Variants in SOX6 observed in about 807,000 individuals in gnomAD.
The protein encoded by SOX6 is SRY-box transcription factor 6, also known as transcription factor SOX-6.
SOX6 carries 11 observed loss-of-function variants against 97.8 expected under a neutral mutation model. That is an observed-to-expected ratio of 0.11 (90% CI 0.07 to 0.19). The LOEUF (loss-of-function observed/expected upper bound fraction) is 0.19, where lower values mean the gene tolerates loss of function less well. SOX6 is among the 10% of genes least tolerant of loss of function. The pLI is 1.00. For synonymous variants in SOX6, 360 were observed against 371.4 expected (o/e 0.97, Z 0.35); for missense variants, 810 against 1,039.5 (o/e 0.78, Z 3.04).
chr11:16,258,242 C>A (rs1456605608), intron 3 of SOX6, among the ~76,000 whole-genome samples: 2 of 151,896 alleles, frequency 1.3e-5, no homozygotes, highest in Non-Finnish European at 2.9e-5. Context: ...TATGTCCACA[C>A]AAAAACCTAC....
intron 3 of SOX6, among the ~76,000 whole-genome samples, chr11:16,677,261 C>G (rs567257261): frequency 1.1e-4 from 16 of 152,164 alleles, no homozygotes; most frequent in African/African-American, 3.6e-4. Flanking sequence ...GTACCTGTAG[C>G]TGGAATGTCA....
intron 3 of SOX6, among the ~76,000 whole-genome samples, chr11:16,680,419 G>C (rs1847917488): frequency 6.6e-6 from 1 of 152,182 alleles, no homozygotes; most frequent in Non-Finnish European, 1.5e-5. Flanking sequence ...GAGAGATTTT[G>C]TAACCATCAG....
At chr11:16,254,181 G>A (rs1853609748) in intron 3 of SOX6, among the ~76,000 whole-genome samples, 1 of 151,980 alleles carries the variant, frequency 6.6e-6, no homozygotes. Flanking sequence ...AATAAAAATT[G>A]AGGAAATGTG....
chr11:16,475,928 T>A (rs965507633), intron 1 of SOX6, among the ~76,000 whole-genome samples: 5 of 152,220 alleles, frequency 3.3e-5, no homozygotes, highest in African/African-American at 1.2e-4. Flanking sequence ...CATAGGCACA[T>A]AGCACTTTTC....
At chr11:16,147,485 A>G (rs1846715220) in intron 6 of SOX6, among the ~76,000 whole-genome samples, 1 of 152,220 alleles carries the variant, frequency 6.6e-6, no homozygotes. Context: ...CATGTACCCT[A>G]GAACTTAAAG....
At chr11:16,618,402 C>A (rs1314884734) in intron 3 of SOX6, among the ~76,000 whole-genome samples, 8 of 151,624 alleles carry the variant, frequency 5.3e-5, no homozygotes. Context: ...AAAGCAATAT[C>A]CTCAAAATAT....
intron 4 of SOX6, among the ~76,000 whole-genome samples, chr11:16,496,583 G>A (rs1227122138): frequency 6.6e-6 from 1 of 152,218 alleles, no homozygotes; most frequent in East Asian, 1.9e-4. Flanking sequence ...AGAAAGGGGT[G>A]ACAGACAACA....
At chr11:16,275,619 G>C (rs1239204266) in intron 3 of SOX6, among the ~76,000 whole-genome samples, 1 of 152,074 alleles carries the variant, frequency 6.6e-6, no homozygotes, top group Non-Finnish European at 1.5e-5. Flanking sequence ...CTTATACAAA[G>C]GGCCTATTTG....
chr11:16,021,475 A>C (rs558628012), intron 12 of SOX6, among the ~76,000 whole-genome samples: 1 of 152,298 alleles, frequency 6.6e-6, no homozygotes, highest in South Asian at 2.1e-4. Context: ...ATGAATGATC[A>C]AAAATGTAGG....
intron 3 of SOX6, among the ~76,000 whole-genome samples, chr11:16,697,687 T>A (rs1051811146): frequency 6.6e-6 from 1 of 152,242 alleles, no homozygotes; most frequent in Admixed American, 6.5e-5. Context: ...TACAGCTTTA[T>A]GAAATGTATT....
chr11:16,561,593 T>C (rs1847814821), intron 4 of SOX6, among the ~76,000 whole-genome samples: 1 of 152,178 alleles, frequency 6.6e-6, no homozygotes, highest in Non-Finnish European at 1.5e-5. Context: ...AAAACTGATA[T>C]TGTCAACATT....
upstream of SOX6, among the ~76,000 whole-genome samples, chr11:16,479,899 C>T (rs1037227900): frequency 3.9e-5 from 6 of 152,022 alleles, no homozygotes; most frequent in African/African-American, 1.4e-4. Flanking sequence ...ATAAAAGATA[C>T]ATTTAATATG....
chr11:16,372,898 T>C (rs1307174741), intron 1 of SOX6, among the ~76,000 whole-genome samples: 6 of 152,118 alleles, frequency 3.9e-5, no homozygotes, highest in Admixed American at 3.9e-4. Context: ...TGCCCATCAC[T>C]AGGAAGATTT....
At chr11:16,571,496 T>A (rs1847937589) in intron 4 of SOX6, among the ~76,000 whole-genome samples, 1 of 152,136 alleles carries the variant, frequency 6.6e-6, no homozygotes, top group Admixed American at 6.5e-5. Flanking sequence ...ACATGTGCGA[T>A]CACAGCATAC....
chr11:16,469,252 G>A lies in SOX6; in HGVS notation c.-5+7063C>T, dbSNP rs145054380. Among the ~76,000 whole-genome samples the A allele has an allele frequency of 4.6e-5, 7 of 152,152 alleles. No homozygotes were observed. In the East Asian group the frequency reaches 5.8e-4, roughly 13 times the overall value. On this transcript the variant is annotated intron_variant, in intron 1 of 15. Coordinates refer to the SOX6 transcript ENST00000396356. Reference sequence around the variant, plus strand: ...CAGTTTGTTCTGGTGCTACAAAAACGAAGCCTCTTTCTAACTGGCCTTGTG... The same window carrying A: ...CAGTTTGTTCTGGTGCTACAAAAACAAAGCCTCTTTCTAACTGGCCTTGTG...
At chr11:16,304,097 G>A (rs61883181) in intron 3 of SOX6, among the ~76,000 whole-genome samples, 22,962 of 151,988 alleles carry the variant, frequency 0.15, 1,909 homozygotes, top group Middle Eastern at 0.2. Flanking sequence ...TGTATTTTTA[G>A]TAGAGATGGG....
intron 4 of SOX6, among the ~76,000 whole-genome samples, chr11:16,611,818 T>C (rs1438699037): frequency 6.6e-6 from 1 of 152,210 alleles, no homozygotes; most frequent in African/African-American, 2.4e-5. Flanking sequence ...AATCTGCGTG[T>C]CATTTCTGTT....
rs1853148326 is a variant in SOX6, at chr11:15,966,617, A to C, written c.*6192T>G. On this transcript the variant is annotated 3_prime_UTR_variant, in exon 16 of 16. Transcript: ENST00000683767. ...GCCTGAGCCCCATCACGGCATATAC[A>C]TTATCACCCAAAGATGGCATGTTGA... The C allele has an allele frequency of 6.6e-6, 1 of 152,190 alleles. No individual in the cohort carries two copies. Among genetic ancestry groups the C allele is most frequent in the Admixed American group, 6.5e-5 (1 of 15,280 alleles). 9.4% of individuals were successfully genotyped at this position (152,190 alleles called of 1,614,324 possible). A position where few individuals can be genotyped will look rare whatever the true frequency, so the allele number is the denominator to read the frequency against.
chr11:16,270,638 A>AAC (rs945134070), intron 3 of SOX6, among the ~76,000 whole-genome samples: 43 of 90,082 alleles, frequency 4.8e-4, no homozygotes, highest in African/African-American at 1.6e-3. Context: ...AAAATGTAAT[A>AAC]ACACACACAC....
Sources: allele counts gnomAD v4.1 joint callset (sites outside exome capture counted in the v4.1 genomes callset), GRCh38; gene constraint gnomAD v4.1.1; transcripts MANE v1.5; gene names NCBI Gene and HGNC (gene_info 2026-07-23, HGNC 2026-07-21).